Variants in KIAA1671 observed in about 807,000 individuals in gnomAD.
The protein encoded by KIAA1671 is uncharacterized protein KIAA1671.
Under a neutral mutation model 131.2 loss-of-function variants are expected in KIAA1671, and 52 were observed. The observed-to-expected ratio is 0.40, with a 90% CI of 0.32 to 0.50. The LOEUF (loss-of-function observed/expected upper bound fraction) is 0.50, where lower values mean the gene tolerates loss of function less well. Ranked by LOEUF, KIAA1671 falls within the 20% of genes least tolerant of loss-of-function variation. The pLI, the probability that KIAA1671 is intolerant of heterozygous loss-of-function variation, is 0.73. For missense variants in KIAA1671, 2,360 were observed against 2,364.2 expected, an observed-to-expected ratio of 1.00 and a Z score of 0.04; for synonymous variants, 1,003 against 961.6, an observed-to-expected ratio of 1.04 and a Z score of -0.80.
At chr22:25,171,925 C>G (rs963122820) in intron 7 of KIAA1671, among the ~76,000 whole-genome samples, 1 of 151,882 alleles carries the variant, frequency 6.6e-6, no homozygotes, top group South Asian at 2.1e-4. Context: ...CTGCATGTGA[C>G]CAATGGCAAA....
intron 1 of KIAA1671, among the ~76,000 whole-genome samples, chr22:24,972,643 T>C (rs1330475818): frequency 6.8e-6 from 1 of 146,634 alleles, no homozygotes; most frequent in Non-Finnish European, 1.5e-5. Flanking sequence ...TTTCTTTCCC[T>C]CCCTCCTTCC....
At chr22:25,153,282 G>C (rs895444853) in intron 6 of KIAA1671, among the ~76,000 whole-genome samples, 1 of 152,182 alleles carries the variant, frequency 6.6e-6, no homozygotes, top group African/African-American at 2.4e-5. Context: ...GCACCAACTA[G>C]ACCAGTAGTT....
intron 10 of KIAA1671, 111 bp downstream of exon 10, chr22:25,181,934 T>A (rs1339961812): frequency 4.8e-6 from 6 of 1,254,126 alleles, no homozygotes; most frequent in African/African-American, 4.5e-5. Flanking sequence ...TCCCAGCACT[T>A]TGGGAGGCCG....
chr22:25,152,476 A>G (rs1215439550), intron 6 of KIAA1671, among the ~76,000 whole-genome samples: 1 of 152,224 alleles, frequency 6.6e-6, no homozygotes, highest in Non-Finnish European at 1.5e-5. Context: ...GCATGTACAG[A>G]GGAACATACA....
chr22:25,007,652 A>T (rs1416967659), intron 1 of KIAA1671, among the ~76,000 whole-genome samples: 1 of 152,180 alleles, frequency 6.6e-6, no homozygotes, highest in East Asian at 1.9e-4. Flanking sequence ...ATGTCAGTTT[A>T]TCGTTGCCAT....
rs896240883 is a variant in KIAA1671, at chr22:25,174,289, C to A, written c.4699C>A (p.Pro1567Thr). The A allele has an allele frequency of 1.3e-6, 2 of 1,551,690 alleles. No individual in the cohort carries two copies. Residue 1567 changes from proline to threonine, a missense_variant, in exon 8 of 13, where the codon CCC (proline) becomes ACC (threonine). Coordinates refer to ENST00000358431, the MANE Select transcript of KIAA1671 (RefSeq NM_001145206.2). ...CAGTGCCACATCGACAAGGAAACAG[C>A]CCCCCAGCAGCCGTTTGTCTTCTCT... Reference protein sequence around the residue: ...DSSATSTRKQPPSSRLSSLSS... With the variant: ...DSSATSTRKQTPSSRLSSLSS...
chr22:25,099,650 G>T (rs1054464648), intron 6 of KIAA1671, among the ~76,000 whole-genome samples: 1 of 146,838 alleles, frequency 6.8e-6, no homozygotes, highest in Non-Finnish European at 1.5e-5. Flanking sequence ...TGCCTCCCGG[G>T]TTCACAGGTG....
At chr22:24,986,770 G>T (rs1479562220) in intron 1 of KIAA1671, among the ~76,000 whole-genome samples, 2 of 150,884 alleles carry the variant, frequency 1.3e-5, no homozygotes, top group African/African-American at 4.9e-5. Flanking sequence ...TATGCTGGGG[G>T]CAGGGCCTCA....
intron 1 of KIAA1671, among the ~76,000 whole-genome samples, chr22:24,961,613 G>A (rs1327408359): frequency 6.6e-6 from 1 of 152,196 alleles, no homozygotes; most frequent in African/African-American, 2.4e-5. Context: ...AGCCAGCCAG[G>A]GCGTGTTCTT....
intron 1 of KIAA1671, among the ~76,000 whole-genome samples, chr22:24,961,344 A>G (rs1275070237): frequency 6.6e-6 from 1 of 152,132 alleles, no homozygotes; most frequent in Admixed American, 6.5e-5. Context: ...CTCGGAAGAT[A>G]TTTGCCCATG....
intron 6 of KIAA1671, among the ~76,000 whole-genome samples, chr22:25,107,113 T>C (rs1005895429): frequency 6.6e-6 from 1 of 152,122 alleles, no homozygotes; most frequent in Non-Finnish European, 1.5e-5. Context: ...ATTTGCTATG[T>C]GGCTGGGGTG....
intron 6 of KIAA1671, chr22:25,109,905 TC>T (rs1258514708): frequency 6.6e-6 from 1 of 151,944 alleles, no homozygotes; most frequent in African/African-American, 2.4e-5. Context: ...ATCGCTTGAG[TC>T]TAGGAGTTCG....
intron 6 of KIAA1671, among the ~76,000 whole-genome samples, chr22:25,077,185 G>A (rs1929157978): frequency 6.6e-6 from 1 of 152,194 alleles, no homozygotes; most frequent in Non-Finnish European, 1.5e-5. Flanking sequence ...GCTCTGGAGG[G>A]AGAACCCTGG....
intron 1 of KIAA1671, among the ~76,000 whole-genome samples, chr22:24,984,855 G>A (rs1206175627): frequency 6.7e-6 from 1 of 149,944 alleles, no homozygotes; most frequent in Admixed American, 6.7e-5. Flanking sequence ...CGGAGGTTGC[G>A]GTGAGCCGAG....
chr22:25,144,820 TCTC>T (rs1204949791), intron 6 of KIAA1671, among the ~76,000 whole-genome samples: 1 of 152,150 alleles, frequency 6.6e-6, no homozygotes, highest in Non-Finnish European at 1.5e-5. Context: ...TGAACCTCCT[TCTC>T]CTGGGAATCC....
intron 9 of KIAA1671, chr22:25,179,384 G>A: frequency 2.5e-6 from 4 of 1,608,326 alleles, no homozygotes; most frequent in Non-Finnish European, 3.4e-6. Flanking sequence ...GCAGCCGCTC[G>A]CGCAGTGCGG....
intron 7 of KIAA1671, 62 bp downstream of exon 7, chr22:25,171,000 C>G: frequency 7.9e-7 from 1 of 1,273,114 alleles, no homozygotes. Context: ...GTTGCTGCAG[C>G]CCACCCACCT....
intron 6 of KIAA1671, among the ~76,000 whole-genome samples, chr22:25,087,860 A>G (rs1929814923): frequency 6.6e-6 from 1 of 152,218 alleles, no homozygotes; most frequent in South Asian, 2.1e-4. Flanking sequence ...GAGCCATAGC[A>G]GCCAGAGCCC....
intron 6 of KIAA1671, among the ~76,000 whole-genome samples, chr22:25,101,256 C>T (rs569624169): frequency 1.1e-4 from 16 of 152,284 alleles, no homozygotes; most frequent in East Asian, 3.9e-4. Context: ...GGGGGCCTGC[C>T]GCCTGCCTTT....
Sources: allele counts gnomAD v4.1 joint callset (sites outside exome capture counted in the v4.1 genomes callset), GRCh38; gene constraint gnomAD v4.1.1; transcripts MANE v1.5; gene names NCBI Gene and HGNC (gene_info 2026-07-23, HGNC 2026-07-21).